The following MOSMO variants were observed in gnomAD, a reference collection of about 807,000 sequenced individuals.
The protein encoded by MOSMO is modulator of smoothened protein.
A neutral mutation model predicts 18.4 loss-of-function variants in MOSMO; 5 were observed. The ratio of observed to expected loss-of-function variants is 0.27; its 90% CI spans 0.14 to 0.57. The LOEUF (loss-of-function observed/expected upper bound fraction) is 0.57, where lower values mean the gene tolerates loss of function less well. MOSMO is among the 20% of genes least tolerant of loss of function. The pLI, the probability that MOSMO is intolerant of heterozygous loss-of-function variation, is 0.92. For synonymous variants in MOSMO, 82 were observed against 82.3 expected, an observed-to-expected ratio of 1.00 and a Z score of 0.02; for missense variants, 138 against 211.8, an observed-to-expected ratio of 0.65 and a Z score of 2.16.
rs560546331 is a variant in MOSMO at position 22,034,959 on chromosome 16, C to T, written c.106+26552C>T. Among the ~76,000 whole-genome samples, 41 of 151,758 alleles carry T rather than the reference C, an allele frequency of 2.7e-4. 2 individuals are homozygous for T. Among genetic ancestry groups the T allele is most frequent in the Non-Finnish European group, 1.3e-4 (9 of 67,926 alleles). On this transcript the variant is annotated intron_variant, in intron 1 of 2. Transcript: ENST00000542527. ...ATGTTGCCCAGGCTGGTCTCAAACT[C>T]CTGGCCTCAGGTGATCCATCCTCCT...
chr16:22,075,457 A>G lies in MOSMO; in HGVS notation c.107-30A>G, dbSNP rs1353498459. 7 of 1,280,616 alleles carry G rather than the reference A, an allele frequency of 5.5e-6. No homozygotes were observed. In the South Asian group the frequency reaches 8.5e-5, roughly 16 times the overall value. 79.3% of individuals were successfully genotyped at this position (1,280,616 alleles called of 1,614,324 possible). A position where few individuals can be genotyped will look rare whatever the true frequency, so the allele number is the denominator to read the frequency against. ...ATTCCCTGGACAGGCCAAACCCACT[A>G]AAGTATTCCCACCATTTGCATCTCC... On this transcript the variant is annotated intron_variant, in intron 1 of 2. Transcript: ENST00000542527.
At chr16:22,041,347 A>G (rs893937117) in intron 1 of MOSMO, among the ~76,000 whole-genome samples, 1 of 152,210 alleles carries the variant, frequency 6.6e-6, no homozygotes, top group Non-Finnish European at 1.5e-5. Context: ...AGCCTAAGAC[A>G]ATTGTCAATT....
chr16:22,024,968 A>G (rs1246156195), intron 1 of MOSMO, among the ~76,000 whole-genome samples: 1 of 151,958 alleles, frequency 6.6e-6, no homozygotes, highest in African/African-American at 2.4e-5. Context: ...TGGGCAACAT[A>G]GCAAGACTTC....
At chr16:22,020,589 C>T (rs1899740027) in intron 1 of MOSMO, among the ~76,000 whole-genome samples, 1 of 152,102 alleles carries the variant, frequency 6.6e-6, no homozygotes, top group African/African-American at 2.4e-5. Context: ...GCCACCGCGC[C>T]CAGCCCTGAC....
Position 22,034,962 on chromosome 16 carries a change from G to A in MOSMO, c.106+26555G>A, listed in dbSNP as rs575358354. Among the ~76,000 whole-genome samples the A allele has an allele frequency of 2.6e-5, 4 of 151,834 alleles. No homozygotes were observed. The South Asian group carries it at 8.3e-4, about 32-fold the overall frequency. On this transcript the variant is annotated intron_variant, in intron 1 of 2. Transcript: ENST00000542527. ...TTGCCCAGGCTGGTCTCAAACTCCT[G>A]GCCTCAGGTGATCCATCCTCCTTGA... is the stretch of plus-strand genomic sequence containing the variant.
intron 1 of MOSMO, among the ~76,000 whole-genome samples, chr16:22,072,577 C>T (rs1031775271): frequency 2.0e-5 from 3 of 152,132 alleles, no homozygotes; most frequent in African/African-American, 4.8e-5. Context: ...TTTGGGAGGC[C>T]GAGACGGGCG....
chr16:22,033,439 G>A (rs1447629802), intron 1 of MOSMO, among the ~76,000 whole-genome samples: 1 of 151,944 alleles, frequency 6.6e-6, no homozygotes, highest in Non-Finnish European at 1.5e-5. Context: ...CCAGGCTAGA[G>A]TGCAGTGGCA....
chr16:22,009,318 G>A (rs1181852609), intron 1 of MOSMO, among the ~76,000 whole-genome samples: 3 of 152,164 alleles, frequency 2.0e-5, no homozygotes, highest in Non-Finnish European at 2.9e-5. Flanking sequence ...CCGGCAGCGG[G>A]AGCAGTGCTT....
At position 22,075,528 on chromosome 16, in the gene MOSMO, C is replaced by T; in HGVS notation, c.148C>T (p.His50Tyr). 1 of 1,537,330 alleles carries T rather than the reference C, an allele frequency of 6.5e-7. No individual in the cohort carries two copies. Among genetic ancestry groups the T allele is most frequent in the Non-Finnish European group, 8.7e-7 (1 of 1,146,920 alleles). The change falls in exon 2 of 3, where the codon CAT (histidine) becomes TAT (tyrosine). Residue 50 changes from histidine (H) to tyrosine (Y), a missense_variant. By Grantham distance (83) the His-to-Tyr change is moderately conservative (BLOSUM62 2). Transcript: ENST00000542527. Reference sequence around the variant, plus strand: ...CCTCGTGCGACAGTGTCAAACAATCCATGGACGAGACCGGACGTGCATCCC... The same window carrying T: ...CCTCGTGCGACAGTGTCAAACAATCTATGGACGAGACCGGACGTGCATCCC... Reference protein sequence around the residue: ...VGLVRQCQTIHGRDRTCIPPR... With the variant: ...VGLVRQCQTIYGRDRTCIPPR...
chr16:22,034,577 T>G (rs1900063481), intron 1 of MOSMO, among the ~76,000 whole-genome samples: 1 of 152,094 alleles, frequency 6.6e-6, no homozygotes, highest in African/African-American at 2.4e-5. Flanking sequence ...CATGTAATTC[T>G]TATCTTTGCT....
intron 1 of MOSMO, among the ~76,000 whole-genome samples, chr16:22,043,159 T>C (rs1053378902): frequency 3.9e-5 from 6 of 152,154 alleles, no homozygotes; most frequent in Non-Finnish European, 8.8e-5. Flanking sequence ...ATATGGAAAA[T>C]TTTTCATCTG....
rs1900391875 is a variant in MOSMO, at chr16:22,050,055, A to G, written c.107-25432A>G. Among the ~76,000 whole-genome samples, 6 of 152,322 alleles carry G rather than the reference A, an allele frequency of 3.9e-5. No homozygotes were observed. The South Asian group carries it at 1.2e-3, about 32-fold the overall frequency. On this transcript the variant is annotated intron_variant, in intron 1 of 2. Transcript: ENST00000542527. Reference sequence around the variant, plus strand: ...AAGTATCATTTCAAAACTGACTTTAATTTTGGAAATTAAAAGGAAAACCCT... The same window carrying G: ...AAGTATCATTTCAAAACTGACTTTAGTTTTGGAAATTAAAAGGAAAACCCT...
chr16:22,017,268 T>C (rs769989765), intron 1 of MOSMO, among the ~76,000 whole-genome samples: 7 of 152,178 alleles, frequency 4.6e-5, no homozygotes, highest in Non-Finnish European at 7.4e-5. Flanking sequence ...ATTATTTACA[T>C]AGTGACCGTG....
At chr16:22,047,330 C>T (rs1471106435) in intron 1 of MOSMO, among the ~76,000 whole-genome samples, 2 of 150,576 alleles carry the variant, frequency 1.3e-5, no homozygotes, top group East Asian at 1.9e-4. Flanking sequence ...CTGCAAGCTC[C>T]GCCTCCCAGG....
At chr16:22,038,384 T>C (rs1900148469) in intron 1 of MOSMO, among the ~76,000 whole-genome samples, 1 of 152,048 alleles carries the variant, frequency 6.6e-6, no homozygotes, top group African/African-American at 2.4e-5. Flanking sequence ...TCCATCGTAA[T>C]GAGAAGGAGC....
intron 1 of MOSMO, among the ~76,000 whole-genome samples, chr16:22,029,892 T>A (rs1206743336): frequency 6.6e-6 from 1 of 152,230 alleles, no homozygotes; most frequent in Non-Finnish European, 1.5e-5. Context: ...CCTCCCGAAG[T>A]GCTGCGATTA....
chr16:22,091,517 G>T (rs1307067793), downstream of MOSMO, among the ~76,000 whole-genome samples: 1 of 152,150 alleles, frequency 6.6e-6, no homozygotes, highest in Non-Finnish European at 1.5e-5. Context: ...CCAAGTAGCT[G>T]GGACTACAAG....
At chr16:22,045,732 A>G (rs1168960724) in intron 1 of MOSMO, among the ~76,000 whole-genome samples, 1 of 152,222 alleles carries the variant, frequency 6.6e-6, no homozygotes, top group Non-Finnish European at 1.5e-5. Flanking sequence ...ATACTTATGG[A>G]TAATTTCTGG....
chr16:22,033,662 T>A (rs1900043266), intron 1 of MOSMO, among the ~76,000 whole-genome samples: 1 of 149,878 alleles, frequency 6.7e-6, no homozygotes, highest in African/African-American at 2.5e-5. Flanking sequence ...AAAAAAAAAA[T>A]ACAAAAAATC....
Sources: gnomAD v4.1 joint callset for allele counts (sites outside exome capture counted in the v4.1 genomes callset) on GRCh38, gnomAD v4.1.1 for gene constraint, MANE v1.5 for transcripts, NCBI Gene and HGNC (gene_info 2026-07-23, HGNC 2026-07-21) for gene names.